Variants in GRAMD4 observed in about 807,000 individuals in gnomAD.
The protein encoded by GRAMD4 is GRAM domain-containing protein 4.
In GRAMD4, 25 loss-of-function variants were observed where a neutral mutation model predicts 83.9. That is an observed-to-expected ratio of 0.30 (90% CI 0.22 to 0.42). GRAMD4 has a LOEUF of 0.42. Ranked by LOEUF, GRAMD4 falls within the 10% of genes least tolerant of loss-of-function variation. GRAMD4 has a pLI of 1.00. For synonymous variants in GRAMD4, 336 were observed against 320.9 expected (o/e 1.05, Z -0.50); for missense variants, 593 against 788.7 (o/e 0.75, Z 2.97).
At chr22:46,648,458 T>C (rs2082104451) in intron 3 of GRAMD4, among the ~76,000 whole-genome samples, 1 of 147,932 alleles carries the variant, frequency 6.8e-6, no homozygotes, top group Non-Finnish European at 1.5e-5. Flanking sequence ...GATGGATGAG[T>C]GGATGGATGG....
At position 46,673,826 on chromosome 22, in the gene GRAMD4, G is replaced by A. The variant is rs573074591; in HGVS notation, c.1384+12G>A. The A allele has an allele frequency of 1.5e-5, 24 of 1,612,360 alleles. No homozygotes were observed. Among genetic ancestry groups the A allele is most frequent in the East Asian group, 2.2e-5 (1 of 44,886 alleles). On this transcript the variant is annotated intron_variant, in intron 15 of 18. Coordinates refer to ENST00000406902, the MANE Select transcript of GRAMD4 (RefSeq NM_015124.5). ...GCGTCCGCTGGCGGGTATGTGTGCC[G>A]TGAGTCTGAGGCCAGGCCGAGCGCC... is the stretch of plus-strand genomic sequence containing the variant.
chr22:46,640,620 C>T (rs903333834), intron 3 of GRAMD4, among the ~76,000 whole-genome samples: 5 of 152,126 alleles, frequency 3.3e-5, no homozygotes, highest in Admixed American at 6.5e-5. Context: ...TTGGGTTCAC[C>T]TCTGACAGCC....
chr22:46,599,614 A>G (rs1160929241), intron 1 of GRAMD4, among the ~76,000 whole-genome samples: 3 of 152,202 alleles, frequency 2.0e-5, no homozygotes, highest in Non-Finnish European at 2.9e-5. Context: ...GGCATGAGCC[A>G]CCATGCCCAG....
intron 1 of GRAMD4, among the ~76,000 whole-genome samples, chr22:46,611,173 G>A (rs2081412935): frequency 1.3e-5 from 2 of 150,536 alleles, no homozygotes; most frequent in African/African-American, 2.4e-5. Flanking sequence ...CCAGGATCAC[G>A]CCATTGCAGT....
At position 46,620,528 on chromosome 22, in the gene GRAMD4, T is replaced by C. The variant is rs996012864; in HGVS notation, c.-87T>C. On this transcript the variant is annotated 5_prime_UTR_variant, in exon 1 of 19. Coordinates refer to ENST00000406902, the MANE Select transcript of GRAMD4 (RefSeq NM_015124.5). This position sits in a 1 kb window ranked among gnomAD's most constrained non-coding sequence, Gnocchi z 4.7. Reference sequence around the variant, plus strand: ...GGGCCAGGACCTGAAGGAGCCACAGTGAAAGAGTGTTTCTGGATGTATCTG... The same window carrying C: ...GGGCCAGGACCTGAAGGAGCCACAGCGAAAGAGTGTTTCTGGATGTATCTG... 5 of 971,520 alleles carry C rather than the reference T, an allele frequency of 5.1e-6. No individual in the cohort carries two copies. The highest frequency in any genetic ancestry group is 6.0e-6 in the Non-Finnish European group (5 of 828,262). The allele number at this position is 971,520 out of a possible 1,614,324, so 60.2% of individuals were successfully genotyped here.
intron 1 of GRAMD4, among the ~76,000 whole-genome samples, chr22:46,600,217 A>G (rs2081299350): frequency 6.6e-6 from 1 of 152,066 alleles, no homozygotes; most frequent in African/African-American, 2.4e-5. Flanking sequence ...TGGAGCTGTC[A>G]CCCTGTTCCA....
intron 2 of GRAMD4, among the ~76,000 whole-genome samples, chr22:46,627,245 G>A (rs1020172558): frequency 4.6e-5 from 7 of 152,230 alleles, no homozygotes; most frequent in Admixed American, 1.3e-4. Context: ...CATGTGACGC[G>A]GAAGCCTCGG....
At chr22:46,663,983 T>C (rs2082370567) in intron 7 of GRAMD4, 43 bp from the exon 8 acceptor site, 1 of 1,577,306 alleles carries the variant, frequency 6.3e-7, no homozygotes, top group Non-Finnish European at 8.7e-7. Flanking sequence ...TTAAGCGGCC[T>C]CCTACCCACA....
intron 1 of GRAMD4, among the ~76,000 whole-genome samples, chr22:46,590,696 C>CA (rs2081198525): frequency 6.6e-6 from 1 of 152,168 alleles, no homozygotes; most frequent in Non-Finnish European, 1.5e-5. Flanking sequence ...AGGAGGAGCT[C>CA]AGAGAGATTG....
chr22:46,626,466 C>T lies in GRAMD4; in HGVS notation c.-49-285C>T, dbSNP rs535777063. Among the ~76,000 whole-genome samples the T allele has an allele frequency of 2.6e-5, 4 of 152,358 alleles. No homozygotes were observed. In the South Asian group the frequency reaches 8.3e-4, roughly 32 times the overall value. On this transcript the variant is annotated intron_variant, in intron 1 of 18. Transcript: ENST00000406902. Reference sequence around the variant, plus strand: ...TGGGAGGCAAGGACGCAGCTCAGCACTGACCAGGCTGGCCTGGGTGGGGTG... The same window carrying T: ...TGGGAGGCAAGGACGCAGCTCAGCATTGACCAGGCTGGCCTGGGTGGGGTG...
intron 1 of GRAMD4, among the ~76,000 whole-genome samples, chr22:46,594,592 G>A (rs1468808677): frequency 6.6e-6 from 1 of 151,468 alleles, no homozygotes; most frequent in Non-Finnish European, 1.5e-5. Context: ...GGGTGGGGGG[G>A]GTTAGGTGTT....
At chr22:46,680,777 TCCACCCACCCACCTATCCATTCACCTAC>T (rs2082664287), downstream of GRAMD4, among the ~76,000 whole-genome samples, 1 of 76,616 alleles carries the variant, frequency 1.3e-5, no homozygotes, top group Non-Finnish European at 2.4e-5. Flanking sequence ...CATCCATCCA[TCCACCCACCCACCTATCCATTCACCTAC>T]CCATCCATCC....
At chr22:46,643,287 C>CCATCCATT (rs2082016412) in intron 3 of GRAMD4, among the ~76,000 whole-genome samples, 1 of 150,396 alleles carries the variant, frequency 6.6e-6, no homozygotes, top group Admixed American at 6.6e-5. Context: ...ATCTATCCAT[C>CCATCCATT]CATCCATTCA....
chr22:46,585,617 G>T (rs1021799758), intron 1 of GRAMD4, among the ~76,000 whole-genome samples: 1 of 152,240 alleles, frequency 6.6e-6, no homozygotes, highest in African/African-American at 2.4e-5. Context: ...CCCATGAGGG[G>T]TGCTGGCCTC....
chr22:46,587,417 A>G lies in GRAMD4; in HGVS notation c.-50+10127A>G, dbSNP rs116245611. On this transcript the variant is annotated intron_variant, in intron 1 of 1. Coordinates refer to the GRAMD4 transcript ENST00000431155. ...CAGCCGTCCGGAGTGACACTGGGCC[A>G]TCAGCTCTGGGAGGCGGAGGCCGTT... Among the ~76,000 whole-genome samples, 351 of 152,208 alleles carry G rather than the reference A, an allele frequency of 2.3e-3. 1 individual carries two copies. Among genetic ancestry groups the G allele is most frequent in the African/African-American group, 8.0e-3 (334 of 41,536 alleles).
rs914354138 is a variant in GRAMD4 at position 46,585,948 on chromosome 22, C to A, written c.-50+8658C>A. Among the ~76,000 whole-genome samples, 7 of 152,322 alleles carry A rather than the reference C, an allele frequency of 4.6e-5. 1 individual carries two copies. The highest frequency in any genetic ancestry group is 3.4e-3 in the Middle Eastern group (1 of 294). On this transcript the variant is annotated intron_variant, in intron 1 of 1. Coordinates refer to the GRAMD4 transcript ENST00000431155. ...CTCTGGGGCTAGGACTGAGGTTCAGCCACGTCTTGGGTGCAGTGGGATACC... is the reference window on the plus strand; with the variant it reads ...CTCTGGGGCTAGGACTGAGGTTCAGACACGTCTTGGGTGCAGTGGGATACC...
chr22:46,587,848 C>T (rs5767276), intron 1 of GRAMD4: 157,907 of 926,486 alleles, frequency 0.17, 16,192 homozygotes, highest in East Asian at 0.61. Context: ...GTGAAACAGG[C>T]GTGTGCGCCA....
At chr22:46,643,672 C>T (rs936784552) in intron 3 of GRAMD4, among the ~76,000 whole-genome samples, 9 of 152,072 alleles carry the variant, frequency 5.9e-5, no homozygotes, top group South Asian at 2.1e-4. Flanking sequence ...CTGATATTGA[C>T]GTTTTTGAAG....
In GRAMD4 at chr22:46,654,851, A is replaced by G. The variant is rs552636664; in HGVS notation, c.284-3336A>G. Reference sequence around the variant, plus strand: ...GGAACCTGTGGGGTGTGTTGGGCACAAGTCAGGGAGGCCTGCAGGTAATGG... The same window carrying G: ...GGAACCTGTGGGGTGTGTTGGGCACGAGTCAGGGAGGCCTGCAGGTAATGG... On this transcript the variant is annotated intron_variant, in intron 3 of 18. Transcript: ENST00000406902. Among the ~76,000 whole-genome samples, 206 of 152,308 alleles carry G rather than the reference A, an allele frequency of 1.4e-3. 1 individual carries two copies. Among genetic ancestry groups the G allele is most frequent in the Non-Finnish European group, 6.6e-4 (45 of 68,024 alleles).
Sources: gnomAD v4.1 joint callset for allele counts (sites outside exome capture counted in the v4.1 genomes callset) on GRCh38, gnomAD v4.1.1 for gene constraint, Gnocchi (gnomAD v3.1) non-coding constraint, MANE v1.5 for transcripts, NCBI Gene and HGNC (gene_info 2026-07-23, HGNC 2026-07-21) for gene names.